The following ZFAND1 variants were observed in gnomAD, a reference collection of about 807,000 sequenced individuals.
ZFAND1 encodes AN1-type zinc finger protein 1.
In ZFAND1, 40 loss-of-function variants were observed where a neutral mutation model predicts 38.5. That is an observed-to-expected ratio of 1.04 (90% confidence interval 0.81 to 1.35). The LOEUF (loss-of-function observed/expected upper bound fraction) is 1.35. Among genes scored for constraint, ZFAND1 ranks in the 40% most tolerant of loss-of-function variants. The pLI is 0.00. For synonymous variants in ZFAND1, 117 were observed against 103.6 expected (o/e 1.13, Z -0.78); for missense variants, 346 against 316.3 (o/e 1.09, Z -0.71).
In ZFAND1 at chr8:81,702,946, ATAT is replaced by A; in HGVS notation, c.636+20_636+22del. ...TCATAAAACCTTTATTAATATAGAA[ATAT>A]TATTATAATGAGATGTTACCTTAGC... On this transcript the variant is annotated intron_variant, in intron 7 of 7. Transcript: ENST00000220669. The A allele has an allele frequency of 6.7e-7, 1 of 1,491,730 alleles. No individual in the cohort carries two copies. Among genetic ancestry groups the A allele is most frequent in the Non-Finnish European group, 8.9e-7 (1 of 1,120,950 alleles). 92.4% of individuals were successfully genotyped at this position (1,491,730 alleles called of 1,614,324 possible).
At position 81,717,238 on chromosome 8, in the gene ZFAND1, T is replaced by C. The variant is rs1249338007; in HGVS notation, c.138+11A>G. 6.5e-7 allele frequency: 1 copy of C among 1,533,772 alleles called. No homozygotes were observed. On this transcript the variant is annotated intron_variant, in intron 3 of 7. Transcript: ENST00000220669. Reference sequence around the variant, plus strand: ...AATACATTTTATCAGATTGGAAAAATACTAACATACCTCAGGACAACCATG... The same window carrying C: ...AATACATTTTATCAGATTGGAAAAACACTAACATACCTCAGGACAACCATG...
In ZFAND1 at chr8:81,714,928, G is replaced by T. The variant is rs1355891360; in HGVS notation, c.267-33C>A. On this transcript the variant is annotated intron_variant, in intron 4 of 7. Coordinates refer to ENST00000220669, the MANE Select transcript of ZFAND1 (RefSeq NM_024699.3). ...CAACAGAAGAGTGACACTAGTTCAT[G>T]TGTTTGTATAGCACTTAAACAGATA... 3 of 1,613,880 alleles carry T rather than the reference G, an allele frequency of 1.9e-6. No homozygotes were observed. The African/African-American group carries it at 4.0e-5, about 22-fold the overall frequency.
At chr8:81,708,329 G>GA (rs1808041987) in intron 6 of ZFAND1, among the ~76,000 whole-genome samples, 1 of 149,820 alleles carries the variant, frequency 6.7e-6, no homozygotes, top group African/African-American at 2.5e-5. Flanking sequence ...CAACAGGAAT[G>GA]AAAGAAAAGA....
At chr8:81,709,465 T>A (rs57300725) in intron 6 of ZFAND1, among the ~76,000 whole-genome samples, 8,857 of 152,238 alleles carry the variant, frequency 0.058, 361 homozygotes, top group African/African-American at 0.11. Context: ...GACTAAATGA[T>A]TGATACCATT....
intron 5 of ZFAND1, chr8:81,714,482 G>C (rs1214648935): frequency 3.3e-6 from 1 of 304,966 alleles, no homozygotes; most frequent in Non-Finnish European, 6.2e-6. Context: ...AGCTGACTAG[G>C]CTTAGAGTTT....
chr8:81,715,172 G>T, intron 3 of ZFAND1, 58 bp from the exon 4 acceptor site: 2 of 1,575,998 alleles, frequency 1.3e-6, no homozygotes, highest in East Asian at 2.3e-5. Flanking sequence ...AAATCAATGT[G>T]TCTTATTCTA....
intron 5 of ZFAND1, chr8:81,714,512 T>C: frequency 2.9e-6 from 1 of 345,166 alleles, no homozygotes; most frequent in East Asian, 6.7e-5. Flanking sequence ...AGAAAGCAGC[T>C]GACTACTTCA....
At chr8:81,717,140 A>G in intron 3 of ZFAND1, 109 bp downstream of exon 3, 1 of 856,652 alleles carries the variant, frequency 1.2e-6, no homozygotes, top group Non-Finnish European at 1.8e-6. Flanking sequence ...TCAGTTTAGT[A>G]TGCCAAACTT....
intron 6 of ZFAND1, among the ~76,000 whole-genome samples, chr8:81,706,800 T>C (rs1424571456): frequency 6.6e-6 from 1 of 152,084 alleles, no homozygotes; most frequent in African/African-American, 2.4e-5. Flanking sequence ...ATAATATGAG[T>C]ATACAGAGCT....
intron 6 of ZFAND1, among the ~76,000 whole-genome samples, chr8:81,710,714 A>G (rs990492800): frequency 6.6e-6 from 1 of 152,232 alleles, no homozygotes; most frequent in Non-Finnish European, 1.5e-5. Flanking sequence ...ACCAAAAGAA[A>G]GCTAGTGAAA....
chr8:81,713,153 C>T (rs1193526270), intron 6 of ZFAND1, among the ~76,000 whole-genome samples: 1 of 152,010 alleles, frequency 6.6e-6, no homozygotes, highest in Admixed American at 6.6e-5. Context: ...GACGGAGTCT[C>T]GCTCTGTCGC....
At chr8:81,703,635 CT>C (rs1807879292) in intron 6 of ZFAND1, among the ~76,000 whole-genome samples, 1 of 152,138 alleles carries the variant, frequency 6.6e-6, no homozygotes, top group African/African-American at 2.4e-5. Flanking sequence ...GTTGTTCAGG[CT>C]GGTCTTGAAC....
rs1585928087 is a variant in ZFAND1 at position 81,715,255 on chromosome 8, T to A, written c.139-141A>T. The A allele has an allele frequency of 9.7e-6, 8 of 825,224 alleles. No homozygotes were observed. The South Asian group carries it at 1.5e-4, about 15-fold the overall frequency. The allele number at this position is 825,224 out of a possible 1,614,324, so 51.1% of individuals were successfully genotyped here. A position where few individuals can be genotyped will look rare whatever the true frequency, so the allele number is the denominator to read the frequency against. ...ACTTACTCTCAAAGATTATAAAGAA[T>A]GTTTTATGTGACAAATGATTACTAT... On this transcript the variant is annotated intron_variant, in intron 3 of 7. Transcript: ENST00000220669.
intron 1 of ZFAND1, chr8:81,720,984 G>A: frequency 1.8e-6 from 1 of 544,180 alleles, no homozygotes; most frequent in Non-Finnish European, 3.3e-6. Context: ...CGCTCCTCAG[G>A]CCCTGCCTCA....
intron 6 of ZFAND1, among the ~76,000 whole-genome samples, chr8:81,707,728 AAAAT>A (rs988967401): frequency 6.6e-6 from 1 of 152,214 alleles, no homozygotes; most frequent in African/African-American, 2.4e-5. Context: ...TTATGAGTAA[AAAAT>A]AAATGAGTAG....
At chr8:81,705,879 C>G (rs1403122923) in intron 6 of ZFAND1, among the ~76,000 whole-genome samples, 1 of 152,200 alleles carries the variant, frequency 6.6e-6, no homozygotes, top group East Asian at 1.9e-4. Context: ...GACTGTGCCA[C>G]TGCACTCCAG....
chr8:81,709,019 G>A (rs1014471805), intron 6 of ZFAND1, among the ~76,000 whole-genome samples: 2 of 152,138 alleles, frequency 1.3e-5, no homozygotes, highest in African/African-American at 4.8e-5. Flanking sequence ...CGTACCATTT[G>A]ACACAGCAAA....
intron 6 of ZFAND1, among the ~76,000 whole-genome samples, chr8:81,712,383 C>A (rs1808162998): frequency 6.6e-6 from 1 of 151,970 alleles, no homozygotes; most frequent in Admixed American, 6.6e-5. Context: ...AAGATCTCAA[C>A]ATTAAGACAA....
intron 5 of ZFAND1, 123 bp from the exon 6 acceptor site, chr8:81,714,162 G>T (rs1356034734): frequency 1.1e-6 from 1 of 903,414 alleles, no homozygotes; most frequent in African/African-American, 1.7e-5. Context: ...GATATACAGA[G>T]ACCACATTCA....
Sources: gnomAD v4.1 joint callset for allele counts (sites outside exome capture counted in the v4.1 genomes callset) on GRCh38, gnomAD v4.1.1 for gene constraint, MANE v1.5 for transcripts, NCBI Gene and HGNC (gene_info 2026-07-23, HGNC 2026-07-21) for gene names.